Variants in SHROOM3 observed in about 807,000 individuals in gnomAD.
The protein encoded by SHROOM3 is protein Shroom3.
Under a neutral mutation model 138.6 loss-of-function variants are expected in SHROOM3, and 47 were observed. The ratio of observed to expected loss-of-function variants is 0.34; its 90% CI spans 0.27 to 0.43. The LOEUF is 0.43. Among genes scored for constraint, SHROOM3 ranks in the 20% least tolerant of loss-of-function variants. The pLI is 1.00. For synonymous variants in SHROOM3, 1,062 were observed against 1,063.3 expected, an observed-to-expected ratio of 1.00 and a Z score of 0.02; for missense variants, 2,491 against 2,596.5, an observed-to-expected ratio of 0.96 and a Z score of 0.88.
intron 2 of SHROOM3, among the ~76,000 whole-genome samples, chr4:76,617,962 G>A (rs970562952): frequency 1.3e-5 from 2 of 152,154 alleles, no homozygotes; most frequent in African/African-American, 4.8e-5. Context: ...TTTGAGCTGA[G>A]CTTAGAAACA....
chr4:76,778,971 T>A lies in SHROOM3; in HGVS notation c.5785T>A (p.Ser1929Thr). 1 of 1,614,066 alleles carries A rather than the reference T, an allele frequency of 6.2e-7. No homozygotes were observed. The highest frequency in any genetic ancestry group is 8.5e-7 in the Non-Finnish European group (1 of 1,180,024). Residue 1929 changes from serine (S) to threonine (T), a missense_variant, in exon 11 of 11, where the codon TCC (serine) becomes ACC (threonine). Physicochemically the swap from Ser to Thr is moderately conservative, Grantham distance 58 (BLOSUM62 1). Coordinates refer to ENST00000296043, the MANE Select transcript of SHROOM3 (RefSeq NM_020859.4). The part of the protein sequence containing the change: ...QDYQHFVKMK[S>T]TLLIEQRKLD... ...CTACCAGCACTTCGTGAAAATGAAG[T>A]CCACGCTCCTCATTGAGCAACGGAA...
intron 2 of SHROOM3, among the ~76,000 whole-genome samples, chr4:76,668,133 T>C (rs1718768456): frequency 6.6e-6 from 1 of 152,050 alleles, no homozygotes; most frequent in African/African-American, 2.4e-5. Context: ...GTACCTCTTC[T>C]GTGAAGCGGC....
At chr4:76,456,017 A>AT (rs895358526) in intron 1 of SHROOM3, among the ~76,000 whole-genome samples, 1 of 151,730 alleles carries the variant, frequency 6.6e-6, no homozygotes, top group Middle Eastern at 3.4e-3. Flanking sequence ...TTATTTTTTA[A>AT]TTTTTTTTGA....
chr4:76,685,682 A>G lies in SHROOM3; in HGVS notation c.324-24474A>G, dbSNP rs562483169. 7.1e-4 allele frequency among the ~76,000 whole-genome samples: 108 copies of G among 152,372 alleles called. 1 individual carries two copies. Among genetic ancestry groups the G allele is most frequent in the Middle Eastern group, 3.4e-3 (1 of 294 alleles). On this transcript the variant is annotated intron_variant, in intron 2 of 10. Transcript: ENST00000296043. ...GACTATTTCTAAGTAAAATTTAGTA[A>G]TATTTTAAAGTATAGGCTGGGCACG... is the stretch of plus-strand genomic sequence containing the variant.
chr4:76,554,426 T>TC (rs1259205661), intron 1 of SHROOM3, among the ~76,000 whole-genome samples: 1 of 148,868 alleles, frequency 6.7e-6, no homozygotes, highest in East Asian at 1.9e-4. Flanking sequence ...TGTGTTTTTT[T>TC]TTTTTTTTTT....
At chr4:76,596,920 C>T (rs1389362781) in intron 2 of SHROOM3, among the ~76,000 whole-genome samples, 1 of 152,184 alleles carries the variant, frequency 6.6e-6, no homozygotes, top group African/African-American at 2.4e-5. Flanking sequence ...TCACCTGACA[C>T]TCTCAGCCTT....
chr4:76,448,438 T>A (rs978315552), intron 1 of SHROOM3, among the ~76,000 whole-genome samples: 2 of 152,200 alleles, frequency 1.3e-5, no homozygotes, highest in African/African-American at 4.8e-5. Flanking sequence ...GCATCTGCAA[T>A]TCTTTGCTTG....
chr4:76,460,431 T>A (rs1317107938), intron 1 of SHROOM3, among the ~76,000 whole-genome samples: 2 of 152,230 alleles, frequency 1.3e-5, no homozygotes, highest in East Asian at 1.9e-4. Flanking sequence ...CTAAGGTTTT[T>A]AAATCCATAT....
chr4:76,732,896 T>C (rs116427439), intron 4 of SHROOM3, among the ~76,000 whole-genome samples: 263 of 152,308 alleles, frequency 1.7e-3, no homozygotes, highest in African/African-American at 6.0e-3. Flanking sequence ...TAAAATAGCA[T>C]ATGTGCAATT....
intron 1 of SHROOM3, among the ~76,000 whole-genome samples, chr4:76,522,117 A>G (rs185367300): frequency 2.0e-5 from 3 of 151,462 alleles, no homozygotes; most frequent in Admixed American, 1.3e-4. Context: ...TAGAAACATG[A>G]TAATTAAATA....
intron 10 of SHROOM3, among the ~76,000 whole-genome samples, chr4:76,774,707 GGGTTTTTTTTTT>G (rs1432078505): frequency 3.0e-5 from 4 of 131,360 alleles, no homozygotes; most frequent in Non-Finnish European, 6.6e-5. Context: ...GGGTTTTTTG[GGGTTTTTTTTTT>G]GTTTTTTTTT....
intron 2 of SHROOM3, among the ~76,000 whole-genome samples, chr4:76,616,462 A>C (rs972388636): frequency 6.6e-6 from 1 of 152,196 alleles, no homozygotes; most frequent in Non-Finnish European, 1.5e-5. Context: ...ATTCATATGC[A>C]TACACACACA....
chr4:76,731,062 C>A, intron 4 of SHROOM3, 127 bp downstream of exon 4: 1 of 1,315,026 alleles, frequency 7.6e-7, no homozygotes, highest in Non-Finnish European at 1.1e-6. Context: ...AAATCTCTAT[C>A]CACTGCTTTT....
chr4:76,559,080 C>T (rs757688174), intron 2 of SHROOM3: 1 of 152,232 alleles, frequency 6.6e-6, no homozygotes, highest in South Asian at 2.1e-4. Context: ...GGTTACTGAG[C>T]AGTTCTTGCA....
intron 2 of SHROOM3, chr4:76,587,030 T>C (rs1358444016): frequency 1.3e-5 from 2 of 152,208 alleles, no homozygotes; most frequent in East Asian, 3.8e-4. Flanking sequence ...ACTCTTCTCA[T>C]CCTTTATGTT....
intron 1 of SHROOM3, among the ~76,000 whole-genome samples, chr4:76,478,994 C>G (rs1292125941): frequency 6.6e-6 from 1 of 151,788 alleles, no homozygotes; most frequent in African/African-American, 2.4e-5. Flanking sequence ...CATCAAAGAC[C>G]AAAGGTAGAT....
At chr4:76,530,515 C>G (rs1579216332) in intron 1 of SHROOM3, among the ~76,000 whole-genome samples, 1 of 152,050 alleles carries the variant, frequency 6.6e-6, no homozygotes, top group East Asian at 1.9e-4. Flanking sequence ...GGTTGGAGTT[C>G]CCTTAGAATT....
At chr4:76,591,711 T>C (rs1312402353) in intron 2 of SHROOM3, among the ~76,000 whole-genome samples, 1 of 152,222 alleles carries the variant, frequency 6.6e-6, no homozygotes, top group Non-Finnish European at 1.5e-5. Flanking sequence ...GAAAGGGATA[T>C]GTACTTCAAG....
In SHROOM3 at chr4:76,754,840, A is replaced by G. The variant is rs1721751125; in HGVS notation, c.4357A>G (p.Asn1453Asp). The G allele has an allele frequency of 1.9e-6, 3 of 1,614,116 alleles. No individual in the cohort carries two copies. The highest frequency in any genetic ancestry group is 1.7e-6 in the Non-Finnish European group (2 of 1,179,988). The change falls in exon 7 of 11, where the codon AAC (asparagine) becomes GAC (aspartate). Residue 1453 changes from asparagine to aspartate, a missense_variant. Physicochemically the swap from Asn to Asp is conservative, Grantham distance 23 (BLOSUM62 1). Coordinates refer to ENST00000296043, the MANE Select transcript of SHROOM3 (RefSeq NM_020859.4). ...PEESSAPDFANLKHYQKQQSL... is the reference protein window; with the variant it reads ...PEESSAPDFADLKHYQKQQSL... ...GGAATCCTCAGCCCCTGATTTTGCAAACCTGAAGCACTATCAAAAACAGCA... is the reference window on the plus strand; with the variant it reads ...GGAATCCTCAGCCCCTGATTTTGCAGACCTGAAGCACTATCAAAAACAGCA...
Sources: allele counts gnomAD v4.1 joint callset (sites outside exome capture counted in the v4.1 genomes callset), GRCh38; gene constraint gnomAD v4.1.1; transcripts MANE v1.5; gene names NCBI Gene and HGNC (gene_info 2026-07-23, HGNC 2026-07-21).